EPHB1: variants seen among roughly 807,000 people sequenced by gnomAD.
EPHB1 encodes ephrin type-B receptor 1.
Under a neutral mutation model 94.4 loss-of-function variants are expected in EPHB1, and 30 were observed. The ratio of observed to expected loss-of-function variants is 0.32; its 90% CI spans 0.24 to 0.43. EPHB1 has a LOEUF of 0.43. EPHB1 is among the 20% of genes least tolerant of loss of function. EPHB1 has a pLI of 1.00. For synonymous variants in EPHB1, 522 were observed against 489.1 expected, an observed-to-expected ratio of 1.07 and a Z score of -0.89; for missense variants, 1,055 against 1,308.3, an observed-to-expected ratio of 0.81 and a Z score of 2.99.
At chr3:134,913,561 A>G (rs765248447) in intron 1 of EPHB1, among the ~76,000 whole-genome samples, 9 of 152,118 alleles carry the variant, frequency 5.9e-5, no homozygotes, top group Admixed American at 2.0e-4. Context: ...AGGAAAGACT[A>G]TAGTCTTAAG....
At chr3:135,133,267 G>A (rs377343316) in intron 5 of EPHB1, among the ~76,000 whole-genome samples, 4 of 152,330 alleles carry the variant, frequency 2.6e-5, no homozygotes, top group African/African-American at 9.6e-5. Context: ...ATTTTCTTGT[G>A]CCCAGCACAA....
chr3:134,995,672 C>T (rs553868375), intron 3 of EPHB1, among the ~76,000 whole-genome samples: 12 of 152,146 alleles, frequency 7.9e-5, no homozygotes, highest in Non-Finnish European at 1.5e-4. Flanking sequence ...AATGGAAAAA[C>T]TGGATTACAT....
At chr3:134,944,050 C>T (rs1271411408) in intron 2 of EPHB1, among the ~76,000 whole-genome samples, 1 of 152,204 alleles carries the variant, frequency 6.6e-6, no homozygotes, top group East Asian at 1.9e-4. Context: ...TGTAACCCAT[C>T]ACCACAATCT....
chr3:134,935,014 C>A (rs1246555164), intron 2 of EPHB1, among the ~76,000 whole-genome samples: 1 of 152,184 alleles, frequency 6.6e-6, no homozygotes, highest in Non-Finnish European at 1.5e-5. Flanking sequence ...CCCCACTACA[C>A]CCCTTGTCCC....
At chr3:135,220,594 C>CTT (rs78078993) in intron 12 of EPHB1, among the ~76,000 whole-genome samples, 64 of 133,930 alleles carry the variant, frequency 4.8e-4, no homozygotes, top group African/African-American at 6.6e-4. Flanking sequence ...TGTTGGAGGC[C>CTT]TTTTTTTTTT....
chr3:134,978,270 C>T (rs962490640), intron 3 of EPHB1, among the ~76,000 whole-genome samples: 10 of 152,298 alleles, frequency 6.6e-5, no homozygotes, highest in African/African-American at 2.2e-4. Context: ...CTTCCGGGAT[C>T]CTGCCCTGGC....
At chr3:135,209,773 C>A (rs1159381288) in intron 12 of EPHB1, among the ~76,000 whole-genome samples, 1 of 152,114 alleles carries the variant, frequency 6.6e-6, no homozygotes, top group Non-Finnish European at 1.5e-5. Context: ...TTGAAGTTGT[C>A]TCAAAATAAA....
chr3:135,018,924 A>G (rs1205502363), intron 3 of EPHB1, among the ~76,000 whole-genome samples: 1 of 152,162 alleles, frequency 6.6e-6, no homozygotes, highest in East Asian at 1.9e-4. Context: ...GCCAGCTGAT[A>G]GGGACTGAGA....
chr3:135,028,143 C>A (rs1936266140), intron 3 of EPHB1, among the ~76,000 whole-genome samples: 1 of 146,704 alleles, frequency 6.8e-6, no homozygotes. Flanking sequence ...TGCTAGCGGT[C>A]TATCAATTTT....
At chr3:134,906,745 G>C (rs1377570340) in intron 1 of EPHB1, among the ~76,000 whole-genome samples, 1 of 152,214 alleles carries the variant, frequency 6.6e-6, no homozygotes, top group Non-Finnish European at 1.5e-5. Flanking sequence ...AGCCAGTGTG[G>C]TCAGTGGTAA....
chr3:134,916,374 C>T (rs896412604), intron 1 of EPHB1, among the ~76,000 whole-genome samples: 1 of 152,344 alleles, frequency 6.6e-6, no homozygotes, highest in Non-Finnish European at 1.5e-5. Flanking sequence ...AGCCCTTGGG[C>T]GGTCGATGGG....
At chr3:134,864,934 C>G (rs571740033) in intron 1 of EPHB1, among the ~76,000 whole-genome samples, 1 of 152,310 alleles carries the variant, frequency 6.6e-6, no homozygotes, top group South Asian at 2.1e-4. Context: ...TCTAAGAGGT[C>G]AGGGAACTGA....
intron 1 of EPHB1, among the ~76,000 whole-genome samples, chr3:134,866,472 C>T (rs1025410036): frequency 6.6e-6 from 1 of 152,120 alleles, no homozygotes; most frequent in Non-Finnish European, 1.5e-5. Context: ...GCCTGCTGCC[C>T]CTTCCTGATG....
At chr3:134,968,620 T>A (rs2107725732) in intron 3 of EPHB1, among the ~76,000 whole-genome samples, 1 of 152,320 alleles carries the variant, frequency 6.6e-6, no homozygotes, top group Admixed American at 6.5e-5. Flanking sequence ...CTTAACTTAT[T>A]TAAGTGGACA....
chr3:135,019,370 A>G (rs1174611114), intron 3 of EPHB1, among the ~76,000 whole-genome samples: 1 of 152,174 alleles, frequency 6.6e-6, no homozygotes, highest in African/African-American at 2.4e-5. Flanking sequence ...AAGGGGAGTC[A>G]TGTGTGTGCA....
intron 4 of EPHB1, among the ~76,000 whole-genome samples, chr3:135,112,454 A>G (rs770760555): frequency 9.9e-5 from 15 of 151,948 alleles, no homozygotes; most frequent in Non-Finnish European, 1.2e-4. Context: ...CAGGTTTGTT[A>G]CATATACATG....
chr3:134,964,788 G>A (rs1484384170), intron 3 of EPHB1, among the ~76,000 whole-genome samples: 1 of 151,944 alleles, frequency 6.6e-6, no homozygotes, highest in Non-Finnish European at 1.5e-5. Flanking sequence ...CCGTTCTCTT[G>A]TCTGTCTTCT....
chr3:134,952,520 T>G (rs1289825982), intron 3 of EPHB1, among the ~76,000 whole-genome samples: 1 of 152,136 alleles, frequency 6.6e-6, no homozygotes, highest in Non-Finnish European at 1.5e-5. Flanking sequence ...GAAAATATTT[T>G]AGTTCATTTC....
intron 11 of EPHB1, among the ~76,000 whole-genome samples, chr3:135,196,411 C>G (rs1308345183): frequency 2.0e-5 from 3 of 152,016 alleles, no homozygotes; most frequent in Non-Finnish European, 2.9e-5. Flanking sequence ...CACGGGAAAA[C>G]AGAGGAGCAG....
Sources: allele counts gnomAD v4.1 joint callset (sites outside exome capture counted in the v4.1 genomes callset), GRCh38; gene constraint gnomAD v4.1.1; transcripts MANE v1.5; gene names NCBI Gene and HGNC (gene_info 2026-07-23, HGNC 2026-07-21).